SRFBP1: variants seen among roughly 807,000 people sequenced by gnomAD.
The protein encoded by SRFBP1 is serum response factor-binding protein 1.
A neutral mutation model predicts 45.5 loss-of-function variants in SRFBP1; 47 were observed. The observed-to-expected ratio is 1.03, with a 90% confidence interval of 0.82 to 1.32. The LOEUF (loss-of-function observed/expected upper bound fraction) is 1.32. Ranked by LOEUF, SRFBP1 falls within the 40% of genes most tolerant of loss-of-function variation. The pLI is 0.00. For missense variants in SRFBP1, 621 were observed against 484.6 expected, an observed-to-expected ratio of 1.28 and a Z score of -2.64; for synonymous variants, 203 against 166.3, an observed-to-expected ratio of 1.22 and a Z score of -1.70.
At chr5:122,026,055 T>C (rs113075218) in intron 7 of SRFBP1, among the ~76,000 whole-genome samples, 1 of 151,950 alleles carries the variant, frequency 6.6e-6, no homozygotes, top group African/African-American at 2.4e-5. Flanking sequence ...ACGCCACTGC[T>C]CTCCATCCTG....
At chr5:122,016,135 C>T (rs1399562469) in intron 4 of SRFBP1, among the ~76,000 whole-genome samples, 1 of 152,154 alleles carries the variant, frequency 6.6e-6, no homozygotes, top group Admixed American at 6.5e-5. Flanking sequence ...CCAAACTCTC[C>T]ATCTGCTATT....
Position 121,980,678 on chromosome 5 carries a change from C to T in SRFBP1, c.198+5291C>T, listed in dbSNP as rs74624392. 5.0e-3 allele frequency among the ~76,000 whole-genome samples: 762 copies of T among 152,066 alleles called. 10 individuals carry two copies. The highest frequency in any genetic ancestry group is 0.017 in the African/African-American group (719 of 41,480). On this transcript the variant is annotated intron_variant, in intron 3 of 7. Coordinates refer to ENST00000339397, the MANE Select transcript of SRFBP1 (RefSeq NM_152546.3). ...GACTGTACCCTGGACATTATGAAGT[C>T]GCAGAGATCCTGGATTTGGTTATTT... is the stretch of plus-strand genomic sequence containing the variant.
intron 2 of SRFBP1, among the ~76,000 whole-genome samples, chr5:122,044,714 T>C (rs1441653725): frequency 6.6e-6 from 1 of 152,148 alleles, no homozygotes; most frequent in Non-Finnish European, 1.5e-5. Flanking sequence ...TTTAGTTTTT[T>C]TCTTGTGACT....
chr5:122,059,634 T>C (rs1754140754), intron 2 of SRFBP1, among the ~76,000 whole-genome samples: 1 of 152,134 alleles, frequency 6.6e-6, no homozygotes, highest in South Asian at 2.1e-4. Flanking sequence ...AAGCTTCCCA[T>C]GTTACTGTCA....
intron 3 of SRFBP1, among the ~76,000 whole-genome samples, chr5:121,979,342 T>C (rs1752362051): frequency 6.6e-6 from 1 of 152,188 alleles, no homozygotes; most frequent in Non-Finnish European, 1.5e-5. Context: ...TTTTAAAAGT[T>C]ACCAAGTTTT....
chr5:122,026,985 G>T lies in SRFBP1; in HGVS notation c.1149G>T (p.Lys383Asn). ...CTCAGATCAAGAATCAGTTTAATAA[G>T]AAGCTATCAGGAAGACTTGAAAATA... The part of the protein sequence containing the change: ...NEPQIKNQFN[K>N]KLSGRLENTK... The change falls in exon 8 of 8, where the codon AAG becomes AAT. Residue 383 changes from lysine (K) to asparagine (N), a missense_variant. By Grantham distance (94) the Lys-to-Asn change is moderately conservative. Coordinates refer to ENST00000339397, the MANE Select transcript of SRFBP1 (RefSeq NM_152546.3). 1 of 1,612,748 alleles carries T rather than the reference G, an allele frequency of 6.2e-7. No homozygotes were observed. Among genetic ancestry groups the T allele is most frequent in the African/African-American group, 1.3e-5 (1 of 74,690 alleles).
intron 2 of SRFBP1, among the ~76,000 whole-genome samples, chr5:122,044,709 T>C (rs1753827886): frequency 6.6e-6 from 1 of 152,092 alleles, no homozygotes; most frequent in Non-Finnish European, 1.5e-5. Context: ...AGGTTTTTAG[T>C]TTTTTTCTTG....
chr5:121,970,735 C>T (rs950165158), intron 1 of SRFBP1, among the ~76,000 whole-genome samples: 1 of 152,006 alleles, frequency 6.6e-6, no homozygotes, highest in Non-Finnish European at 1.5e-5. Flanking sequence ...TGCTACATTT[C>T]TGGTCATTTA....
At chr5:122,001,915 T>G (rs891065114) in intron 4 of SRFBP1, among the ~76,000 whole-genome samples, 2 of 152,164 alleles carry the variant, frequency 1.3e-5, no homozygotes, top group African/African-American at 4.8e-5. Flanking sequence ...ATATAAGAGA[T>G]AATCTTAACC....
At chr5:122,046,243 G>A (rs1247130595) in intron 2 of SRFBP1, among the ~76,000 whole-genome samples, 1 of 151,180 alleles carries the variant, frequency 6.6e-6, no homozygotes, top group Non-Finnish European at 1.5e-5. Flanking sequence ...TCCCCTTCCT[G>A]TGTCCATGCG....
At chr5:122,063,269 A>G (rs1367164366) in intron 2 of SRFBP1, 1 of 151,984 alleles carries the variant, frequency 6.6e-6, no homozygotes, top group Non-Finnish European at 1.5e-5. Context: ...ATAAAAGAAT[A>G]TGAGAATGCA....
At chr5:122,052,826 G>T (rs2152578286) in intron 2 of SRFBP1, among the ~76,000 whole-genome samples, 1 of 152,274 alleles carries the variant, frequency 6.6e-6, no homozygotes, top group East Asian at 1.9e-4. Context: ...GGCTTTTTGA[G>T]TGCTCAGAGG....
chr5:122,002,132 C>G (rs1752885278), intron 4 of SRFBP1, among the ~76,000 whole-genome samples: 1 of 152,100 alleles, frequency 6.6e-6, no homozygotes, highest in Non-Finnish European at 1.5e-5. Flanking sequence ...ATATTCGCAA[C>G]TCTAGTGGAG....
chr5:122,058,693 T>A (rs1343172711), intron 2 of SRFBP1, among the ~76,000 whole-genome samples: 2 of 152,110 alleles, frequency 1.3e-5, no homozygotes, highest in East Asian at 1.9e-4. Context: ...AAAAATGTTG[T>A]CATTGTTATT....
At chr5:122,078,071 G>C, downstream of SRFBP1, 1 of 1,296,480 alleles carries the variant, frequency 7.7e-7, no homozygotes, top group Non-Finnish European at 1.0e-6. Context: ...GAGGGAAGGA[G>C]AAATCTTCAA....
intron 2 of SRFBP1, among the ~76,000 whole-genome samples, chr5:122,036,504 G>A (rs536780339): frequency 3.9e-5 from 6 of 152,252 alleles, no homozygotes; most frequent in South Asian, 2.1e-4. Context: ...AGCCTTTTGC[G>A]AACGTAGTAC....
At chr5:121,973,120 C>G (rs1407393813) in intron 1 of SRFBP1, among the ~76,000 whole-genome samples, 1 of 151,494 alleles carries the variant, frequency 6.6e-6, no homozygotes, top group Non-Finnish European at 1.5e-5. Flanking sequence ...ATTTTTTGTG[C>G]CAGGCACTCT....
At chr5:121,973,864 T>C (rs1214983096) in intron 1 of SRFBP1, among the ~76,000 whole-genome samples, 1 of 151,886 alleles carries the variant, frequency 6.6e-6, no homozygotes, top group African/African-American at 2.4e-5. Context: ...AAGATGAATA[T>C]GACAGGCTGT....
In SRFBP1 at chr5:122,075,227, A is replaced by T. The variant is rs145340313; in HGVS notation, n.312-88A>T. 518 of 536,448 alleles carry T rather than the reference A, an allele frequency of 9.7e-4. 5 individuals are homozygous for T. The highest frequency in any genetic ancestry group is 8.9e-3 in the African/African-American group (469 of 52,680). 33.2% of individuals were successfully genotyped at this position (536,448 alleles called of 1,614,324 possible). A position where few individuals can be genotyped will look rare whatever the true frequency, so the allele number is the denominator to read the frequency against. On this transcript the variant is annotated intron_variant and non_coding_transcript_variant, in intron 2 of 2. Coordinates refer to the SRFBP1 transcript ENST00000504881. ...TGGGCTTCAGATTTTCCATTTCAAA[A>T]GATAACAGGATCTTGTAGTAGATGG...
Sources: gnomAD v4.1 joint callset for allele counts (sites outside exome capture counted in the v4.1 genomes callset) on GRCh38, gnomAD v4.1.1 for gene constraint, MANE v1.5 for transcripts, NCBI Gene and HGNC (gene_info 2026-07-23, HGNC 2026-07-21) for gene names.